The following PTCHD4 variants were observed in gnomAD, a reference collection of about 807,000 sequenced individuals.
PTCHD4 encodes patched domain-containing protein 4.
A neutral mutation model predicts 58.1 loss-of-function variants in PTCHD4; 33 were observed. The observed-to-expected ratio is 0.57, with a 90% CI of 0.43 to 0.76. The LOEUF (loss-of-function observed/expected upper bound fraction) is 0.76. Among genes scored for constraint, PTCHD4 ranks in the 30% least tolerant of loss-of-function variants. The pLI is 0.00. For synonymous variants in PTCHD4, 478 were observed against 409.6 expected (o/e 1.17, Z -2.02); for missense variants, 1,058 against 1,027.1 (o/e 1.03, Z -0.41).
chr6:47,864,996 G>T lies in PTCHD4; in HGVS notation c.*13307C>A, dbSNP rs577337265. Among the ~76,000 whole-genome samples the T allele has an allele frequency of 2.5e-4, 38 of 151,892 alleles. No homozygotes were observed. Among genetic ancestry groups the T allele is most frequent in the Non-Finnish European group, 4.9e-4 (33 of 67,902 alleles). ...ATGACTGCAGAGCAGATCTCTGATT[G>T]TGGGAGGAACAGTGATCTTGTTTCT... On this transcript the variant is annotated 3_prime_UTR_variant, in exon 5 of 5. Coordinates refer to ENST00000339488, the MANE Select transcript of PTCHD4 (RefSeq NM_001384253.1).
chr6:48,110,965 T>TTGTTCACTGTTCTGTGATTGCCCC (rs1765863173), intron 1 of PTCHD4, among the ~76,000 whole-genome samples, 84 bp downstream of exon 1: 1 of 151,956 alleles, frequency 6.6e-6, no homozygotes, highest in Non-Finnish European at 1.5e-5. Context: ...TACACATGCA[T>TTGTTCACTGTTCTGTGATTGCCCC]TGTTCACTGT....
intron 3 of PTCHD4, among the ~76,000 whole-genome samples, chr6:48,010,712 A>G (rs915042544): frequency 6.6e-6 from 1 of 152,046 alleles, no homozygotes; most frequent in Non-Finnish European, 1.5e-5. Context: ...CCCATCAACT[A>G]CATTAGGTAT....
intron 3 of PTCHD4, among the ~76,000 whole-genome samples, chr6:48,025,042 G>T (rs527989504): frequency 1.1e-4 from 17 of 152,162 alleles, no homozygotes; most frequent in South Asian, 2.1e-4. Context: ...AAAATAATTT[G>T]CAGCAAACTT....
intron 3 of PTCHD4, among the ~76,000 whole-genome samples, chr6:48,041,297 A>G (rs1763838445): frequency 6.6e-6 from 1 of 152,048 alleles, no homozygotes; most frequent in South Asian, 2.1e-4. Flanking sequence ...TTACTTAGTA[A>G]TATAGGACAT....
intron 3 of PTCHD4, among the ~76,000 whole-genome samples, chr6:48,044,807 A>G (rs955704478): frequency 1.3e-5 from 2 of 151,852 alleles, no homozygotes; most frequent in African/African-American, 2.4e-5. Context: ...TATTTTTGGC[A>G]TGGATTCCAA....
intron 4 of PTCHD4, among the ~76,000 whole-genome samples, chr6:47,999,951 T>C (rs1768655521): frequency 6.6e-6 from 1 of 152,196 alleles, no homozygotes; most frequent in South Asian, 2.1e-4. Context: ...CATAAAACAA[T>C]CCATTTGCCC....
At position 47,856,767 on chromosome 6, in the gene PTCHD4, T is replaced by C. The variant is rs1425754839; in HGVS notation, c.*21536A>G. Among the ~76,000 whole-genome samples, 1 of 152,064 alleles carries C rather than the reference T, an allele frequency of 6.6e-6. No homozygotes were observed. The highest frequency in any genetic ancestry group is 1.5e-5 in the Non-Finnish European group (1 of 68,000). ...TCTTGGTAAGTTATAGAGAGAATAA[T>C]TTTATGAACATTTTATACCTAATAA... On this transcript the variant is annotated 3_prime_UTR_variant, in exon 5 of 5. Coordinates refer to ENST00000339488, the MANE Select transcript of PTCHD4 (RefSeq NM_001384253.1).
Position 47,878,210 on chromosome 6 carries a change from CT to C in PTCHD4, c.*92del. Reference sequence around the variant, plus strand: ...CTTGATCTGACTTGCCTTGTTACCCCTGGCCAGCCCAAGCAGCTGAGGTCTG... The same window carrying C: ...CTTGATCTGACTTGCCTTGTTACCCCGGCCAGCCCAAGCAGCTGAGGTCTG... On this transcript the variant is annotated 3_prime_UTR_variant, in exon 5 of 5. Coordinates refer to ENST00000339488, the MANE Select transcript of PTCHD4 (RefSeq NM_001384253.1). 1 of 1,201,072 alleles carries C rather than the reference CT, an allele frequency of 8.3e-7. No individual in the cohort carries two copies. The highest frequency in any genetic ancestry group is 1.2e-6 in the Non-Finnish European group (1 of 853,226). 74.4% of individuals were successfully genotyped at this position (1,201,072 alleles called of 1,614,324 possible).
At chr6:48,086,026 TAA>T (rs917868790) in intron 1 of PTCHD4, among the ~76,000 whole-genome samples, 2 of 148,474 alleles carry the variant, frequency 1.3e-5, no homozygotes, top group Non-Finnish European at 3.0e-5. Flanking sequence ...TAACAATAAT[TAA>T]AAAAAAAAGT....
chr6:47,933,086 C>T (rs1314213233), intron 4 of PTCHD4, among the ~76,000 whole-genome samples: 1 of 152,200 alleles, frequency 6.6e-6, no homozygotes, highest in Non-Finnish European at 1.5e-5. Context: ...TTCAAGGTTA[C>T]ACTTTCTGCA....
At chr6:47,963,154 A>T (rs1767161367) in intron 4 of PTCHD4, among the ~76,000 whole-genome samples, 1 of 151,924 alleles carries the variant, frequency 6.6e-6, no homozygotes, top group Admixed American at 6.6e-5. Flanking sequence ...TAAATAAATA[A>T]ATAAAAAAGA....
chr6:48,087,023 C>T (rs768137184), intron 1 of PTCHD4, among the ~76,000 whole-genome samples: 2 of 152,090 alleles, frequency 1.3e-5, no homozygotes, highest in African/African-American at 2.4e-5. Flanking sequence ...GTTAGAGAAG[C>T]CTAGCACTTA....
intron 3 of PTCHD4, among the ~76,000 whole-genome samples, chr6:48,018,596 A>G (rs1762947446): frequency 6.6e-6 from 1 of 152,182 alleles, no homozygotes; most frequent in Non-Finnish European, 1.5e-5. Flanking sequence ...CCTAGATATA[A>G]ATCACCTCTG....
intron 3 of PTCHD4, among the ~76,000 whole-genome samples, chr6:48,057,435 T>A (rs900730548): frequency 5.3e-5 from 8 of 152,204 alleles, no homozygotes; most frequent in Non-Finnish European, 1.0e-4. Context: ...GAAAGCTAAA[T>A]GCCCTATTAG....
In PTCHD4 at chr6:47,882,741, G is replaced by GAGATATATATATATATAT. The variant is rs143060584; in HGVS notation, c.899-2806_899-2805insATATATATATATATATCT. Among the ~76,000 whole-genome samples, 203 of 102,422 alleles carry GAGATATATATATATATAT rather than the reference G, an allele frequency of 2.0e-3. 9 individuals are homozygous for GAGATATATATATATATAT. Among genetic ancestry groups the GAGATATATATATATATAT allele is most frequent in the South Asian group, 8.8e-3 (26 of 2,948 alleles). The allele number at this position is 102,422 out of a possible 152,430, so 67.2% of individuals were successfully genotyped here. ...TGAATCCATTTCTAATGATTCCAGT[G>GAGATATATATATATATAT]ATATATATATATATATTCCTTAAAT... On this transcript the variant is annotated intron_variant, in intron 4 of 4. Transcript: ENST00000339488.
At chr6:47,912,210 T>C (rs1186352785) in intron 4 of PTCHD4, among the ~76,000 whole-genome samples, 3 of 152,030 alleles carry the variant, frequency 2.0e-5, no homozygotes, top group African/African-American at 4.8e-5. Context: ...GGATAAAACA[T>C]ATCCTTCATG....
In PTCHD4 at chr6:48,036,659, G is replaced by A. The variant is rs544467046; in HGVS notation, c.418-27545C>T. ...TACTTAATTATACCTCAAAACACAA[G>A]AGTAGGGATGCTGGCAACTCCAATA... On this transcript the variant is annotated intron_variant, in intron 3 of 4. Transcript: ENST00000339488. Among the ~76,000 whole-genome samples the A allele has an allele frequency of 2.9e-4, 44 of 152,222 alleles. No individual in the cohort carries two copies. In the South Asian group the frequency reaches 7.0e-3, roughly 24 times the overall value.
At position 47,875,619 on chromosome 6, in the gene PTCHD4, G is replaced by A. The variant is rs576183097; in HGVS notation, c.*2684C>T. Reference sequence around the variant, plus strand: ...CTTCCAAAATGCCCTCTAGTCACTCGAACAATGAGAAATTCATATTTATCT... The same window carrying A: ...CTTCCAAAATGCCCTCTAGTCACTCAAACAATGAGAAATTCATATTTATCT... On this transcript the variant is annotated 3_prime_UTR_variant, in exon 5 of 5. Transcript: ENST00000339488. Among the ~76,000 whole-genome samples the A allele has an allele frequency of 4.7e-4, 71 of 151,812 alleles. No homozygotes were observed. The highest frequency in any genetic ancestry group is 1.3e-3 in the African/African-American group (54 of 41,466).
intron 4 of PTCHD4, among the ~76,000 whole-genome samples, chr6:47,939,244 T>C (rs541901441): frequency 6.6e-6 from 1 of 152,140 alleles, no homozygotes; most frequent in Admixed American, 6.5e-5. Context: ...CCATTAAGAG[T>C]TATTAAAACT....
Sources: allele counts gnomAD v4.1 joint callset (sites outside exome capture counted in the v4.1 genomes callset), GRCh38; gene constraint gnomAD v4.1.1; transcripts MANE v1.5; gene names NCBI Gene and HGNC (gene_info 2026-07-23, HGNC 2026-07-21).